LAPTM4B: variants seen among roughly 807,000 people sequenced by gnomAD.
LAPTM4B encodes the protein lysosomal-associated transmembrane protein 4B.
LAPTM4B carries 26 observed loss-of-function variants against 28.5 expected under a neutral mutation model. That is an observed-to-expected ratio of 0.91 (90% CI 0.67 to 1.27). LAPTM4B has a LOEUF of 1.27. Ranked by LOEUF, LAPTM4B falls within the 50% of genes most tolerant of loss-of-function variation. The pLI, the probability that LAPTM4B is intolerant of heterozygous loss-of-function variation, is 0.00. For missense variants in LAPTM4B, 288 were observed against 285.8 expected (o/e 1.01, Z -0.06); for synonymous variants, 109 against 106.4 (o/e 1.02, Z -0.15).
rs576848360 is a variant in LAPTM4B at position 97,776,070 on chromosome 8, G to A, written c.61G>A (p.Val21Ile). The change falls in exon 1 of 7, where the codon GTC becomes ATC. Residue 21 changes from valine to isoleucine, a missense_variant. Transcript: ENST00000521545. ...CAACAGCTGCTGCTTGTGCTGCCAT[G>A]TCCGCACCGGCACCATCCTGCTCGG... Reference protein sequence around the residue: ...YSNSCCLCCHVRTGTILLGVW... With the variant: ...YSNSCCLCCHIRTGTILLGVW... The A allele has an allele frequency of 6.3e-7, 1 of 1,588,766 alleles. No homozygotes were observed. Among genetic ancestry groups the A allele is most frequent in the South Asian group, 1.1e-5 (1 of 90,120 alleles).
intron 6 of LAPTM4B, among the ~76,000 whole-genome samples, chr8:97,837,489 T>C (rs548119856): frequency 6.6e-6 from 1 of 152,306 alleles, no homozygotes; most frequent in South Asian, 2.1e-4. Flanking sequence ...AGGTTATTAC[T>C]TCCGAGTATA....
intron 1 of LAPTM4B, among the ~76,000 whole-genome samples, chr8:97,777,439 CG>C (rs1418487615): frequency 2.6e-5 from 4 of 151,906 alleles, no homozygotes; most frequent in Non-Finnish European, 5.9e-5. Flanking sequence ...AGTGAGCCAC[CG>C]CGCCCGGCCG....
At chr8:97,791,113 C>T (rs940894354) in intron 1 of LAPTM4B, among the ~76,000 whole-genome samples, 8 of 152,098 alleles carry the variant, frequency 5.3e-5, no homozygotes, top group African/African-American at 1.9e-4. Flanking sequence ...GCTTGTTTGC[C>T]CAGTCTGGTC....
intron 1 of LAPTM4B, among the ~76,000 whole-genome samples, chr8:97,801,723 A>T (rs1240080853): frequency 6.6e-6 from 1 of 152,012 alleles, no homozygotes; most frequent in Non-Finnish European, 1.5e-5. Flanking sequence ...GGTGTCTGTA[A>T]TCGCAGCTAC....
At chr8:97,776,998 C>T (rs1586315393) in intron 1 of LAPTM4B, among the ~76,000 whole-genome samples, 2 of 151,990 alleles carry the variant, frequency 1.3e-5, no homozygotes, top group East Asian at 1.9e-4. Context: ...AGCACTGAGT[C>T]GGATTCCGCT....
intron 6 of LAPTM4B, among the ~76,000 whole-genome samples, chr8:97,835,967 C>A (rs2512065): frequency 6.6e-6 from 1 of 152,052 alleles, no homozygotes; most frequent in African/African-American, 2.4e-5. Context: ...AGCACAGACC[C>A]TATTGTGAAC....
chr8:97,806,287 A>G (rs138330440), intron 2 of LAPTM4B, among the ~76,000 whole-genome samples: 1 of 152,192 alleles, frequency 6.6e-6, no homozygotes, highest in African/African-American at 2.4e-5. Flanking sequence ...GCTGCTGAGT[A>G]GGGTACTGGG....
intron 1 of LAPTM4B, among the ~76,000 whole-genome samples, chr8:97,785,369 T>G (rs1412847334): frequency 6.6e-6 from 1 of 152,184 alleles, no homozygotes; most frequent in Non-Finnish European, 1.5e-5. Flanking sequence ...CTTATCACAC[T>G]TTTATGGTAA....
intron 1 of LAPTM4B, among the ~76,000 whole-genome samples, chr8:97,784,579 A>G (rs1816373243): frequency 6.6e-6 from 1 of 152,000 alleles, no homozygotes; most frequent in Admixed American, 6.6e-5. Context: ...AGCTGGGACT[A>G]CAGGCGCCCA....
chr8:97,834,430 A>C (rs188947000), intron 6 of LAPTM4B, among the ~76,000 whole-genome samples: 2 of 152,330 alleles, frequency 1.3e-5, no homozygotes, highest in East Asian at 3.9e-4. Context: ...AAGAAAAATA[A>C]ACTTTCTCTG....
At chr8:97,808,605 C>T (rs1482580340) in intron 2 of LAPTM4B, among the ~76,000 whole-genome samples, 2 of 152,098 alleles carry the variant, frequency 1.3e-5, no homozygotes, top group African/African-American at 4.8e-5. Context: ...AAAACAGATT[C>T]AGGTGAATAT....
At chr8:97,822,650 T>C (rs1272329685) in intron 5 of LAPTM4B, among the ~76,000 whole-genome samples, 1 of 151,860 alleles carries the variant, frequency 6.6e-6, no homozygotes, top group Non-Finnish European at 1.5e-5. Flanking sequence ...TACTACTCAT[T>C]GATGTATTTA....
At chr8:97,777,312 A>G (rs1048866196) in intron 1 of LAPTM4B, among the ~76,000 whole-genome samples, 2 of 151,362 alleles carry the variant, frequency 1.3e-5, no homozygotes, top group African/African-American at 4.9e-5. Context: ...ATGCCTAGCT[A>G]ATTTTTTGTA....
At chr8:97,838,338 A>C (rs1409357371) in intron 6 of LAPTM4B, among the ~76,000 whole-genome samples, 1 of 152,130 alleles carries the variant, frequency 6.6e-6, no homozygotes, top group African/African-American at 2.4e-5. Context: ...GACTGCATTG[A>C]TGCTGTACTC....
chr8:97,815,501 T>C, intron 3 of LAPTM4B, 100 bp downstream of exon 3: 1 of 818,492 alleles, frequency 1.2e-6, no homozygotes, highest in East Asian at 2.5e-5. Flanking sequence ...AGTTTTCTGT[T>C]AAGAATCTCT....
intron 2 of LAPTM4B, among the ~76,000 whole-genome samples, chr8:97,809,330 T>G (rs948156770): frequency 5.3e-5 from 8 of 152,236 alleles, no homozygotes; most frequent in African/African-American, 1.9e-4. Flanking sequence ...CAGAGTGACA[T>G]GAATTTAACA....
chr8:97,808,139 G>A (rs186139353), intron 2 of LAPTM4B, among the ~76,000 whole-genome samples: 76 of 150,624 alleles, frequency 5.0e-4, no homozygotes, highest in Admixed American at 1.3e-3. Context: ...TAATTTTCAA[G>A]CACAATTTGA....
intron 6 of LAPTM4B, among the ~76,000 whole-genome samples, chr8:97,838,619 C>G (rs1817298013): frequency 6.6e-6 from 1 of 152,198 alleles, no homozygotes; most frequent in Non-Finnish European, 1.5e-5. Flanking sequence ...GCAGGCTGTT[C>G]TGACCCACTC....
intron 2 of LAPTM4B, among the ~76,000 whole-genome samples, chr8:97,811,664 C>G (rs1372008270): frequency 3.3e-5 from 5 of 152,180 alleles, no homozygotes; most frequent in Non-Finnish European, 7.3e-5. Flanking sequence ...TACCTGCCCT[C>G]TTCACATACC....
Sources: allele counts gnomAD v4.1 joint callset (sites outside exome capture counted in the v4.1 genomes callset), GRCh38; gene constraint gnomAD v4.1.1; transcripts MANE v1.5; gene names NCBI Gene and HGNC (gene_info 2026-07-23, HGNC 2026-07-21).